Variants in CCNT2 observed in about 807,000 individuals in gnomAD.
The protein encoded by CCNT2 is cyclin T2.
In CCNT2, 18 loss-of-function variants were observed where a neutral mutation model predicts 70.0. The ratio of observed to expected loss-of-function variants is 0.26; its 90% CI spans 0.18 to 0.38. The LOEUF is 0.38. Ranked by LOEUF, CCNT2 falls within the 10% of genes least tolerant of loss-of-function variation. The pLI, the probability that CCNT2 is intolerant of heterozygous loss-of-function variation, is 1.00. For synonymous variants in CCNT2, 334 were observed against 313.3 expected, an observed-to-expected ratio of 1.07 and a Z score of -0.70; for missense variants, 734 against 890.2, an observed-to-expected ratio of 0.82 and a Z score of 2.23.
chr2:134,938,594 A>G (rs1288794855), intron 3 of CCNT2, among the ~76,000 whole-genome samples: 4 of 152,170 alleles, frequency 2.6e-5, no homozygotes, highest in Admixed American at 6.5e-5. Flanking sequence ...TACCACATGA[A>G]ATGTCCTAGA....
rs769031178 is a variant in CCNT2, at chr2:134,953,930, A to G, written c.1475A>G (p.Glu492Gly). 1 of 1,614,018 alleles carries G rather than the reference A, an allele frequency of 6.2e-7. No homozygotes were observed. Among genetic ancestry groups the G allele is most frequent in the Non-Finnish European group, 8.5e-7 (1 of 1,179,926 alleles). The change falls in exon 9 of 9, where the codon GAA (glutamate) becomes GGA (glycine). Residue 492 changes from glutamate to glycine, a missense_variant. Transcript: ENST00000264157. ...IKMKIPIANT[E>G]KYMADKKEKS... ...ATGAAAATACCTATCGCAAATACTG[A>G]AAAATACATGGCAGACAAAAAGGAA...
chr2:134,921,283 C>T (rs1679881893), intron 2 of CCNT2, among the ~76,000 whole-genome samples: 1 of 152,178 alleles, frequency 6.6e-6, no homozygotes, highest in African/African-American at 2.4e-5. Flanking sequence ...GTCCCATTTG[C>T]CGAATCAGGC....
At chr2:134,920,986 ACTT>A (rs1280693941) in intron 2 of CCNT2, among the ~76,000 whole-genome samples, 7 of 152,094 alleles carry the variant, frequency 4.6e-5, no homozygotes, top group East Asian at 3.8e-4. Flanking sequence ...TCTCTTGAAG[ACTT>A]CTTCTATTTC....
chr2:134,945,649 T>C (rs1483551651), intron 5 of CCNT2: 2 of 1,214,238 alleles, frequency 1.6e-6, no homozygotes, highest in Non-Finnish European at 2.1e-6. Flanking sequence ...GGTGGGGGTT[T>C]GTTTTGTTTT....
At chr2:134,936,444 C>T (rs1681162072) in intron 2 of CCNT2, among the ~76,000 whole-genome samples, 1 of 152,034 alleles carries the variant, frequency 6.6e-6, no homozygotes, top group African/African-American at 2.4e-5. Context: ...CTTGCACACC[C>T]GCCCCCCCTT....
intron 2 of CCNT2, among the ~76,000 whole-genome samples, chr2:134,932,309 T>G (rs1448625594): frequency 6.6e-6 from 1 of 152,200 alleles, no homozygotes; most frequent in African/African-American, 2.4e-5. Flanking sequence ...CTGATATTTT[T>G]TCTTTTTTAG....
chr2:134,930,256 C>G (rs1680642685), intron 2 of CCNT2, among the ~76,000 whole-genome samples: 1 of 152,206 alleles, frequency 6.6e-6, no homozygotes, highest in Admixed American at 6.5e-5. Context: ...TATATATGGT[C>G]TTTCACGAAG....
At chr2:134,939,115 CTAAA>C (rs1681374313) in intron 4 of CCNT2, 53 bp downstream of exon 4, 3 of 1,129,372 alleles carry the variant, frequency 2.7e-6, no homozygotes, top group Non-Finnish European at 2.6e-6. Flanking sequence ...CTAAAGCATT[CTAAA>C]TAAGTGAAAA....
chr2:134,946,005 G>T, intron 5 of CCNT2, 96 bp from the exon 6 acceptor site: 3 of 1,606,166 alleles, frequency 1.9e-6, no homozygotes, highest in Non-Finnish European at 2.5e-6. Flanking sequence ...TACTTTTTGT[G>T]TACAAATCTT....
At chr2:134,919,034 C>T (rs1013866675) in intron 1 of CCNT2, 22 bp downstream of exon 1, 10 of 1,576,876 alleles carry the variant, frequency 6.3e-6, no homozygotes, top group African/African-American at 4.1e-5. Context: ...TGTTCGCCGC[C>T]GCTCACGCCC....
At position 134,953,994 on chromosome 2, in the gene CCNT2, C is replaced by T; in HGVS notation, c.1539C>T (p.Pro513=). 1.2e-6 allele frequency: 2 copies of T among 1,614,068 alleles called. No individual in the cohort carries two copies. Among genetic ancestry groups the T allele is most frequent in the African/African-American group, 1.3e-5 (1 of 75,004 alleles). ...TGAAATTACGGATTCCAATACCACC[C>T]ACTGATAAAAGCGCCAGTAAAGAAG... ...GSLKLRIPIP[P]TDKSASKEEL... is the part of the protein sequence containing the mutation. Residue 513 remains proline (P), a synonymous_variant, in exon 9 of 9, where the codon CCC becomes CCT. Transcript: ENST00000264157.
chr2:134,935,511 T>G (rs765883716), intron 2 of CCNT2, among the ~76,000 whole-genome samples: 37 of 152,344 alleles, frequency 2.4e-4, no homozygotes, highest in Admixed American at 6.5e-4. Context: ...TTGGCATTGT[T>G]TCTGTACGGT....
intron 2 of CCNT2, among the ~76,000 whole-genome samples, chr2:134,923,236 A>G (rs759236367): frequency 5.9e-5 from 9 of 152,188 alleles, no homozygotes; most frequent in Non-Finnish European, 1.2e-4. Flanking sequence ...AGCCGAGATC[A>G]CATCACTGCA....
rs769363646 is a variant in CCNT2, at chr2:134,953,638, C to T, written c.1183C>T (p.His395Tyr). ...PSISLHSGLH[H>Y]RPDKISDHSS... is the part of the protein sequence containing the mutation. The stretch of plus-strand genomic sequence containing the variant: ...TATATCACTGCATTCAGGATTACAT[C>T]ACAGACCTGACAAAATTTCAGATCA... The change falls in exon 9 of 9, where the codon CAC becomes TAC. Residue 395 changes from histidine to tyrosine, a missense_variant. This residue lies in a region of CCNT2 where 532 missense variants were observed against 556.9 expected (regional missense o/e 0.96). Coordinates refer to ENST00000264157, the MANE Select transcript of CCNT2 (RefSeq NM_058241.3). The T allele has an allele frequency of 1.2e-6, 2 of 1,614,138 alleles. No homozygotes were observed. The highest frequency in any genetic ancestry group is 1.7e-6 in the Non-Finnish European group (2 of 1,180,000).
Position 134,937,062 on chromosome 2 carries a change from G to A in CCNT2, c.369+93G>A, listed in dbSNP as rs45560641. On this transcript the variant is annotated intron_variant, in intron 3 of 8. Coordinates refer to ENST00000264157, the MANE Select transcript of CCNT2 (RefSeq NM_058241.3). Reference sequence around the variant, plus strand: ...AAAAATACACAGTTCAATTAGTGGTGCCTTCCAAATGCTGCTTGTTTTATT... The same window carrying A: ...AAAAATACACAGTTCAATTAGTGGTACCTTCCAAATGCTGCTTGTTTTATT... The A allele has an allele frequency of 5.2e-3, 4,261 of 825,432 alleles. 134 individuals are homozygous for A. In the African/African-American group the frequency reaches 0.067, roughly 13 times the overall value. 51.1% of individuals were successfully genotyped at this position (825,432 alleles called of 1,614,324 possible). A position where few individuals can be genotyped will look rare whatever the true frequency, so the allele number is the denominator to read the frequency against.
intron 2 of CCNT2, among the ~76,000 whole-genome samples, chr2:134,924,624 A>AT (rs1680144327): frequency 1.3e-5 from 2 of 151,886 alleles, no homozygotes; most frequent in South Asian, 4.2e-4. Flanking sequence ...TAATTTTTGT[A>AT]TTTTTAGTAG....
In CCNT2 at chr2:134,939,031, T is replaced by A. The variant is rs1681367178; in HGVS notation, c.399T>A (p.Val133=). The A allele has an allele frequency of 6.8e-6, 11 of 1,611,158 alleles. No homozygotes were observed. In the East Asian group the frequency reaches 2.5e-4, roughly 36 times the overall value. The part of the protein sequence containing the change: ...DAYLQQTQEL[V]ILETIMLQTL... ...ACCTTCAACAGACTCAAGAACTGGT[T>A]ATACTTGAAACCATAATGCTACAAA... The change falls in exon 4 of 9, where the codon GTT becomes GTA. Residue 133 remains valine (V), a synonymous_variant. Coordinates refer to ENST00000264157, the MANE Select transcript of CCNT2 (RefSeq NM_058241.3).
intron 5 of CCNT2, chr2:134,943,876 T>A: frequency 4.1e-6 from 4 of 980,462 alleles, no homozygotes; most frequent in Non-Finnish European, 4.8e-6. Context: ...CAAGTTTTTT[T>A]AGATTTATCC....
rs1002790237 is a variant in CCNT2 at position 134,919,991 on chromosome 2, A to G, written c.240+100A>G. ...TGCGTTGTTGGATTTAGTGTTCTGA[A>G]TTAACGGTAAACGTATATCACGTGA... On this transcript the variant is annotated intron_variant, in intron 2 of 8. Coordinates refer to ENST00000264157, the MANE Select transcript of CCNT2 (RefSeq NM_058241.3). The G allele has an allele frequency of 3.5e-5, 27 of 760,966 alleles. No individual in the cohort carries two copies. In the African/African-American group the frequency reaches 4.2e-4, roughly 12 times the overall value. The allele number at this position is 760,966 out of a possible 1,614,324, so 47.1% of individuals were successfully genotyped here. A position where few individuals can be genotyped will look rare whatever the true frequency, so the allele number is the denominator to read the frequency against.
Sources: gnomAD v4.1 joint callset for allele counts (sites outside exome capture counted in the v4.1 genomes callset) on GRCh38, gnomAD v4.1.1 for gene constraint, gnomAD v4.1.1 regional missense constraint, MANE v1.5 for transcripts, NCBI Gene and HGNC (gene_info 2026-07-23, HGNC 2026-07-21) for gene names.